Variants in EPB41L4A observed in about 807,000 individuals in gnomAD.
EPB41L4A encodes band 4.1-like protein 4A.
EPB41L4A carries 100 observed loss-of-function variants against 108.6 expected under a neutral mutation model. The ratio of observed to expected loss-of-function variants is 0.92; its 90% CI spans 0.78 to 1.09. EPB41L4A has a LOEUF of 1.09. Among genes scored for constraint, EPB41L4A ranks in the 50% least tolerant of loss-of-function variants. The pLI is 0.00. For missense variants in EPB41L4A, 1,030 were observed against 842.7 expected (o/e 1.22, Z -2.75); for synonymous variants, 319 against 289.0 (o/e 1.10, Z -1.05).
chr5:112,196,377 A>G (rs1021329523), intron 15 of EPB41L4A, among the ~76,000 whole-genome samples: 6 of 152,210 alleles, frequency 3.9e-5, no homozygotes, highest in Non-Finnish European at 8.8e-5. Flanking sequence ...AGTCTCCTCT[A>G]AAGGATAAAA....
rs748917882 is a variant in EPB41L4A, at chr5:112,163,914, C to G, written c.*1076G>C. On this transcript the variant is annotated 3_prime_UTR_variant, in exon 23 of 23. Transcript: ENST00000261486. ...AGCATCCAAAGCACAGGTGGAGAGA[C>G]AAAAAGGTTAGGGCTGCTGGCAGCT... is the stretch of plus-strand genomic sequence containing the variant. 3.3e-5 allele frequency: 5 copies of G among 152,450 alleles called. No homozygotes were observed. Among genetic ancestry groups the G allele is most frequent in the Non-Finnish European group, 5.9e-5 (4 of 68,150 alleles). The allele number at this position is 152,450 out of a possible 1,614,324, so 9.4% of individuals were successfully genotyped here. A position where few individuals can be genotyped will look rare whatever the true frequency, so the allele number is the denominator to read the frequency against.
chr5:112,368,996 C>A (rs1008274868), intron 1 of EPB41L4A, among the ~76,000 whole-genome samples: 1 of 152,198 alleles, frequency 6.6e-6, no homozygotes, highest in Non-Finnish European at 1.5e-5. Flanking sequence ...TCTCCTTCCA[C>A]GGTTCTAACT....
chr5:112,167,123 C>CAA (rs10642511), intron 22 of EPB41L4A, among the ~76,000 whole-genome samples: 38,970 of 110,218 alleles, frequency 0.35, 7,550 homozygotes, highest in African/African-American at 0.5. Context: ...AAATTTAAGA[C>CAA]AAAAAAAAAA....
At chr5:112,245,200 T>C (rs1750117012) in intron 9 of EPB41L4A, among the ~76,000 whole-genome samples, 1 of 151,728 alleles carries the variant, frequency 6.6e-6, no homozygotes, top group African/African-American at 2.4e-5. Flanking sequence ...CAAAACACAA[T>C]ATGAATGCTA....
At chr5:112,333,397 AG>A (rs1358006442) in intron 1 of EPB41L4A, among the ~76,000 whole-genome samples, 4 of 152,226 alleles carry the variant, frequency 2.6e-5, no homozygotes, top group African/African-American at 9.7e-5. Context: ...TGGTCTCCGC[AG>A]GAAGCTGCAG....
chr5:112,176,743 C>CTTTT (rs59150913), intron 18 of EPB41L4A, among the ~76,000 whole-genome samples: 4 of 65,886 alleles, frequency 6.1e-5, no homozygotes, highest in African/African-American at 6.4e-5. Flanking sequence ...ACCAGAGCAA[C>CTTTT]TTTTTTTTTT....
chr5:112,410,681 C>A (rs1341957787), intron 1 of EPB41L4A, among the ~76,000 whole-genome samples: 2 of 152,100 alleles, frequency 1.3e-5, no homozygotes, highest in Non-Finnish European at 2.9e-5. Context: ...CACTCCCACC[C>A]AGCTTCAGGA....
At chr5:112,326,947 CTG>C (rs1756204620) in intron 1 of EPB41L4A, among the ~76,000 whole-genome samples, 1 of 152,202 alleles carries the variant, frequency 6.6e-6, no homozygotes, top group African/African-American at 2.4e-5. Context: ...ACCAATCACA[CTG>C]TGCTAGAGAC....
At chr5:112,327,744 T>TACAAAC (rs1756267981) in intron 1 of EPB41L4A, among the ~76,000 whole-genome samples, 1 of 151,766 alleles carries the variant, frequency 6.6e-6, no homozygotes, top group Non-Finnish European at 1.5e-5. Flanking sequence ...AATTATAAAC[T>TACAAAC]ACAAACTTTA....
chr5:112,284,978 A>G (rs1753191983), intron 2 of EPB41L4A, among the ~76,000 whole-genome samples: 1 of 152,170 alleles, frequency 6.6e-6, no homozygotes, highest in South Asian at 2.1e-4. Flanking sequence ...CAGCCAATCA[A>G]TATCCTAATC....
At position 112,327,379 on chromosome 5, in the gene EPB41L4A, C is replaced by T. The variant is rs187902254; in HGVS notation, c.100-19889G>A. The stretch of plus-strand genomic sequence containing the variant: ...AAGGATGTAGCAATGTCAAAACTAC[C>T]TGTACCTACTCAGTAAGACATACCT... On this transcript the variant is annotated intron_variant, in intron 1 of 22. Transcript: ENST00000261486. Among the ~76,000 whole-genome samples, 3 of 152,278 alleles carry T rather than the reference C, an allele frequency of 2.0e-5. No homozygotes were observed. In the East Asian group the frequency reaches 5.8e-4, roughly 29 times the overall value.
intron 15 of EPB41L4A, chr5:112,196,713 A>G (rs141171115): frequency 6.6e-6 from 1 of 152,252 alleles, no homozygotes; most frequent in Non-Finnish European, 1.5e-5. Flanking sequence ...GATCAGTCCT[A>G]AACAGCTGGC....
intron 9 of EPB41L4A, among the ~76,000 whole-genome samples, chr5:112,244,660 C>T (rs1310522096): frequency 6.6e-6 from 1 of 152,170 alleles, no homozygotes; most frequent in East Asian, 1.9e-4. Context: ...TCTTCTTATG[C>T]AAATAGGCTT....
intron 13 of EPB41L4A, 60 bp downstream of exon 13, chr5:112,209,832 G>A: frequency 9.2e-7 from 1 of 1,082,064 alleles, no homozygotes; most frequent in Non-Finnish European, 1.4e-6. Context: ...CTTGTCTACA[G>A]AAAAAAAGCA....
intron 12 of EPB41L4A, among the ~76,000 whole-genome samples, chr5:112,224,054 C>T (rs1322084072): frequency 6.6e-6 from 1 of 152,120 alleles, no homozygotes; most frequent in Non-Finnish European, 1.5e-5. Context: ...CAGGTTCAAG[C>T]GATTCTTCTG....
chr5:112,384,589 G>A (rs1475057715), intron 1 of EPB41L4A, among the ~76,000 whole-genome samples: 5 of 151,004 alleles, frequency 3.3e-5, no homozygotes, highest in African/African-American at 4.9e-5. Flanking sequence ...GGGAGCAGAA[G>A]GTATGTACTA....
chr5:112,243,292 T>TATATCTA (rs1561504555), intron 9 of EPB41L4A, among the ~76,000 whole-genome samples: 1 of 147,262 alleles, frequency 6.8e-6, no homozygotes, highest in African/African-American at 2.5e-5. Context: ...TATATATATA[T>TATATCTA]TTTGTTTGTT....
At chr5:112,323,974 C>A in intron 1 of EPB41L4A, among the ~76,000 whole-genome samples, 1 of 152,152 alleles carries the variant, frequency 6.6e-6, no homozygotes, top group African/African-American at 2.4e-5. Flanking sequence ...CCTGTCAGGG[C>A]AAGCAAAAGG....
At chr5:112,284,767 A>T (rs1753176160) in intron 2 of EPB41L4A, among the ~76,000 whole-genome samples, 1 of 152,164 alleles carries the variant, frequency 6.6e-6, no homozygotes, top group Non-Finnish European at 1.5e-5. Context: ...AAGCAGTTAG[A>T]CAGCCTTACC....
Sources: gnomAD v4.1 joint callset for allele counts (sites outside exome capture counted in the v4.1 genomes callset) on GRCh38, gnomAD v4.1.1 for gene constraint, MANE v1.5 for transcripts, NCBI Gene and HGNC (gene_info 2026-07-23, HGNC 2026-07-21) for gene names.